Variants in RNPC3 observed in about 807,000 individuals in gnomAD.
RNPC3 encodes RNA binding region (RNP1, RRM) containing 3, also known as RNA-binding region-containing protein 3.
Under a neutral mutation model 67.5 loss-of-function variants are expected in RNPC3, and 48 were observed. That is an observed-to-expected ratio of 0.71 (90% confidence interval 0.56 to 0.90). The LOEUF is 0.90. Among genes scored for constraint, RNPC3 ranks in the 40% least tolerant of loss-of-function variants. The probability of loss-of-function intolerance (pLI) is 0.00; values close to 1 mark genes in which losing one functional copy is unlikely to be tolerated. For missense variants in RNPC3, 637 were observed against 626.1 expected, an observed-to-expected ratio of 1.02 and a Z score of -0.19; for synonymous variants, 239 against 210.3, an observed-to-expected ratio of 1.14 and a Z score of -1.18.
rs774259475 is a variant in RNPC3, at chr1:103,541,400, C to T, written c.818C>T (p.Thr273Ile). 4 of 1,506,752 alleles carry T rather than the reference C, an allele frequency of 2.7e-6. No individual in the cohort carries two copies. Among genetic ancestry groups the T allele is most frequent in the East Asian group, 2.6e-5 (1 of 38,602 alleles). The allele number at this position is 1,506,752 out of a possible 1,614,324, so 93.3% of individuals were successfully genotyped here. A position where few individuals can be genotyped will look rare whatever the true frequency, so the allele number is the denominator to read the frequency against. ...AATCTTCAGCCCAAAAGACCTAAAACAATAAAGCAGCGCCATGTGAGAAAA... is the reference window on the plus strand; with the variant it reads ...AATCTTCAGCCCAAAAGACCTAAAATAATAAAGCAGCGCCATGTGAGAAAA... ...LANLQPKRPK[T>I]IKQRHVRKKR... Residue 273 changes from threonine (T) to isoleucine (I), a missense_variant, in exon 8 of 15, where the codon ACA becomes ATA. Thr to Ile is a moderately conservative substitution (Grantham distance 89). This residue lies in a region of RNPC3 where 536 missense variants were observed against 500.3 expected (regional missense o/e 1.07). Coordinates refer to ENST00000423855, the MANE Select transcript of RNPC3 (RefSeq NM_017619.4).
At chr1:103,540,273 A>G (rs1461646326) in intron 7 of RNPC3, among the ~76,000 whole-genome samples, 2 of 152,322 alleles carry the variant, frequency 1.3e-5, no homozygotes, top group South Asian at 4.1e-4. Flanking sequence ...TATAAGTTGT[A>G]TATGAAACTT....
intron 7 of RNPC3, among the ~76,000 whole-genome samples, chr1:103,541,044 G>A (rs1012641465): frequency 2.0e-5 from 3 of 152,046 alleles, no homozygotes; most frequent in African/African-American, 7.2e-5. Flanking sequence ...TTGGCATGAA[G>A]TCCAGCCATT....
At chr1:103,528,997 A>C (rs1650777824) in intron 2 of RNPC3, among the ~76,000 whole-genome samples, 1 of 152,232 alleles carries the variant, frequency 6.6e-6, no homozygotes, top group South Asian at 2.1e-4. Flanking sequence ...CATATACTGG[A>C]CTGCAACTGT....
rs1290713619 is a variant in RNPC3, at chr1:103,526,013, G to T, written c.-58G>T. The T allele has an allele frequency of 1.5e-6, 2 of 1,362,708 alleles. No individual in the cohort carries two copies. The highest frequency in any genetic ancestry group is 2.0e-6 in the Non-Finnish European group (2 of 1,007,294). 84.4% of individuals were successfully genotyped at this position (1,362,708 alleles called of 1,614,324 possible). On this transcript the variant is annotated 5_prime_UTR_variant, in exon 1 of 15. An upstream start codon of the reference 5' UTR is lost. Coordinates refer to ENST00000423855, the MANE Select transcript of RNPC3 (RefSeq NM_017619.4). ...AATATTTCTCCCAGCTTGTGTTGAT[G>T]CCGCGATTTTGACTGAGACTTCTTC...
intron 7 of RNPC3, among the ~76,000 whole-genome samples, chr1:103,539,740 T>C (rs1182849897): frequency 6.6e-6 from 1 of 152,162 alleles, no homozygotes; most frequent in Non-Finnish European, 1.5e-5. Context: ...AAAAGAAAAA[T>C]GGTACAGGTT....
At chr1:103,528,457 A>G (rs1401001794) in intron 2 of RNPC3, among the ~76,000 whole-genome samples, 1 of 152,200 alleles carries the variant, frequency 6.6e-6, no homozygotes, top group African/African-American at 2.4e-5. Flanking sequence ...CAGTAAGAAG[A>G]CAAAGGGGGA....
intron 1 of RNPC3, among the ~76,000 whole-genome samples, chr1:103,527,020 TAAAA>T (rs879574251): frequency 6.8e-6 from 1 of 146,482 alleles, no homozygotes; most frequent in Admixed American, 6.8e-5. Context: ...GCCTGCAAAT[TAAAA>T]AAAAAAAATT....
chr1:103,527,262 A>G (rs1650743289), intron 1 of RNPC3, among the ~76,000 whole-genome samples: 1 of 152,158 alleles, frequency 6.6e-6, no homozygotes, highest in South Asian at 2.1e-4. Context: ...TACAAAGATA[A>G]AGCACAAAGG....
In RNPC3 at chr1:103,526,157, T is replaced by C. The variant is rs1205144723; in HGVS notation, c.87T>C (p.Leu29=). 2 of 1,551,358 alleles carry C rather than the reference T, an allele frequency of 1.3e-6. No individual in the cohort carries two copies. Among genetic ancestry groups the C allele is most frequent in the Admixed American group, 3.9e-5 (2 of 50,958 alleles). Residue 29 remains leucine, a synonymous_variant, in exon 1 of 15, where the codon CTT becomes CTC. Coordinates refer to ENST00000423855, the MANE Select transcript of RNPC3 (RefSeq NM_017619.4). The stretch of plus-strand genomic sequence containing the variant: ...CCCCGCCTCGGGGCGACCGAACCCT[T>C]CTGGTCAGGCACCTGCCGGCTGAGC... ...SLSPPRGDRT[L]LVRHLPAELT... is the part of the protein sequence containing the mutation.
intron 2 of RNPC3, among the ~76,000 whole-genome samples, chr1:103,531,001 A>G (rs960835934): frequency 1.3e-5 from 2 of 152,068 alleles, no homozygotes; most frequent in African/African-American, 2.4e-5. Flanking sequence ...CCCACTCCCA[A>G]CACTTTCTCC....
At position 103,546,553 on chromosome 1, in the gene RNPC3, CAG is replaced by C. The variant is rs1651248631; in HGVS notation, c.1302+214_1302+215del. On this transcript the variant is annotated intron_variant, in intron 11 of 14. Coordinates refer to ENST00000423855, the MANE Select transcript of RNPC3 (RefSeq NM_017619.4). ...GGTTCTCTGGCAGTAAATACTGAGA[CAG>C]AGTTTGTGGTATGTATTAATTTCCT... is the stretch of plus-strand genomic sequence containing the variant. 1.4e-5 allele frequency: 5 copies of C among 367,558 alleles called. No individual in the cohort carries two copies. In the South Asian group the frequency reaches 2.7e-4, roughly 20 times the overall value. The allele number at this position is 367,558 out of a possible 1,614,324, so 22.8% of individuals were successfully genotyped here.
chr1:103,526,159 TGGTCAGGCACCTGCC>T lies in RNPC3; in HGVS notation c.92_106del (p.Val31_Pro35del). On this transcript the variant is annotated inframe_deletion, in exon 1 of 15. Coordinates refer to ENST00000423855, the MANE Select transcript of RNPC3 (RefSeq NM_017619.4). ...CCGCCTCGGGGCGACCGAACCCTTC[TGGTCAGGCACCTGCC>T]GGCTGAGCTTACTGCTGAGGAGAAA... 6.4e-7 allele frequency: 1 copy of T among 1,551,540 alleles called. No individual in the cohort carries two copies. Among genetic ancestry groups the T allele is most frequent in the South Asian group, 1.2e-5 (1 of 84,048 alleles).
At chr1:103,551,876 C>G (rs1570628682) in intron 14 of RNPC3, 84 bp downstream of exon 14, 1 of 670,320 alleles carries the variant, frequency 1.5e-6, no homozygotes, top group Non-Finnish European at 2.4e-6. Flanking sequence ...GGTAGTAATT[C>G]AGGTATCTCT....
In RNPC3 at chr1:103,526,086, C is replaced by A; in HGVS notation, c.16C>A (p.Gln6Lys). 1 of 1,537,648 alleles carries A rather than the reference C, an allele frequency of 6.5e-7. No homozygotes were observed. Among genetic ancestry groups the A allele is most frequent in the East Asian group, 2.5e-5 (1 of 40,178 alleles). ...TCCAAGGAAAATGGCAGCTCCCGAGCAGCCGCTTGCGATATCAAGGGGATG... is the reference window on the plus strand; with the variant it reads ...TCCAAGGAAAATGGCAGCTCCCGAGAAGCCGCTTGCGATATCAAGGGGATG... MAAPE[Q>K]PLAISRGCTS... Residue 6 changes from glutamine (Q) to lysine (K), a missense_variant, in exon 1 of 15, where the codon CAG (glutamine) becomes AAG (lysine). Coordinates refer to ENST00000423855, the MANE Select transcript of RNPC3 (RefSeq NM_017619.4).
At chr1:103,550,558 G>A (rs910236884) in intron 12 of RNPC3, among the ~76,000 whole-genome samples, 10 of 150,068 alleles carry the variant, frequency 6.7e-5, no homozygotes, top group Middle Eastern at 3.5e-3. Flanking sequence ...GGAGAATGGC[G>A]TGAACCTGGG....
intron 12 of RNPC3, among the ~76,000 whole-genome samples, chr1:103,550,438 G>A (rs1002425718): frequency 6.6e-6 from 1 of 151,598 alleles, no homozygotes. Context: ...TCAGGAGATC[G>A]AGACCATCCT....
At chr1:103,544,705 T>C (rs1243337897) in intron 9 of RNPC3, among the ~76,000 whole-genome samples, 1 of 151,844 alleles carries the variant, frequency 6.6e-6, no homozygotes, top group Non-Finnish European at 1.5e-5. Flanking sequence ...TTAACATTTT[T>C]CTTTTTATAA....
chr1:103,541,386 C>A lies in RNPC3; in HGVS notation c.804C>A (p.Pro268=). 1 of 1,504,488 alleles carries A rather than the reference C, an allele frequency of 6.6e-7. No homozygotes were observed. Among genetic ancestry groups the A allele is most frequent in the South Asian group, 1.3e-5 (1 of 79,714 alleles). 93.2% of individuals were successfully genotyped at this position (1,504,488 alleles called of 1,614,324 possible). The change falls in exon 8 of 15, where the codon CCC becomes CCA. Residue 268 remains proline, a synonymous_variant. Transcript: ENST00000423855. ...NKLMELANLQ[P]KRPKTIKQRH... ...TAATGGAACTAGCAAATCTTCAGCC[C>A]AAAAGACCTAAAACAATAAAGCAGC...
At chr1:103,540,496 A>G (rs1026884338) in intron 7 of RNPC3, among the ~76,000 whole-genome samples, 15 of 152,220 alleles carry the variant, frequency 9.9e-5, no homozygotes, top group Non-Finnish European at 1.8e-4. Context: ...ATAAATATGG[A>G]CATATACTTT....
Sources: gnomAD v4.1 joint callset for allele counts (sites outside exome capture counted in the v4.1 genomes callset) on GRCh38, gnomAD v4.1.1 for gene constraint, gnomAD v4.1.1 regional missense constraint, MANE v1.5 for transcripts, NCBI Gene and HGNC (gene_info 2026-07-23, HGNC 2026-07-21) for gene names.